Variants in SHANK2 observed in about 807,000 individuals in gnomAD.
SHANK2 encodes SH3 and multiple ankyrin repeat domains 2, also known as SH3 and multiple ankyrin repeat domains protein 2.
Under a neutral mutation model 133.7 loss-of-function variants are expected in SHANK2, and 43 were observed. The ratio of observed to expected loss-of-function variants is 0.32; its 90% CI spans 0.25 to 0.41. SHANK2 has a LOEUF of 0.41. SHANK2 is among the 10% of genes least tolerant of loss of function. The pLI, the probability that SHANK2 is intolerant of heterozygous loss-of-function variation, is 1.00. For missense variants in SHANK2, 1,994 were observed against 2,235.8 expected (o/e 0.89, Z 2.18); for synonymous variants, 1,017 against 952.8 (o/e 1.07, Z -1.24).
chr11:70,605,654 T>A (rs1376288774), intron 17 of SHANK2, among the ~76,000 whole-genome samples: 1 of 152,142 alleles, frequency 6.6e-6, no homozygotes, highest in Non-Finnish European at 1.5e-5. Flanking sequence ...TCGAACTCTC[T>A]CCAAGGAGGC....
chr11:70,924,500 TG>T (rs782502281), intron 10 of SHANK2, among the ~76,000 whole-genome samples: 4 of 152,092 alleles, frequency 2.6e-5, no homozygotes, highest in East Asian at 3.9e-4. Flanking sequence ...TCTGTCACCC[TG>T]GTTGGAGTGC....
intron 17 of SHANK2, among the ~76,000 whole-genome samples, chr11:70,533,564 C>T (rs974264747): frequency 2.0e-5 from 3 of 152,172 alleles, no homozygotes; most frequent in Admixed American, 6.5e-5. Context: ...TTCCCTCTGC[C>T]GCAGCCATGC....
intron 6 of SHANK2, among the ~76,000 whole-genome samples, chr11:71,100,606 C>T (rs1166816608): frequency 5.9e-5 from 9 of 152,212 alleles, no homozygotes; most frequent in Non-Finnish European, 1.2e-4. Flanking sequence ...CAGTGGTTCA[C>T]ACCTGTAATC....
intron 2 of SHANK2, among the ~76,000 whole-genome samples, chr11:71,192,749 A>G (rs1953817178): frequency 6.6e-6 from 1 of 152,234 alleles, no homozygotes; most frequent in African/African-American, 2.4e-5. Context: ...AAAGAGATCT[A>G]TATTCATCAA....
intron 15 of SHANK2, among the ~76,000 whole-genome samples, chr11:70,663,412 C>G (rs1793582055): frequency 6.6e-6 from 1 of 152,128 alleles, no homozygotes; most frequent in African/African-American, 2.4e-5. Context: ...GCCCCTCGAT[C>G]CTCCCATTTT....
At chr11:71,062,453 C>A (rs2135937654) in intron 9 of SHANK2, among the ~76,000 whole-genome samples, 1 of 152,178 alleles carries the variant, frequency 6.6e-6, no homozygotes, top group South Asian at 2.1e-4. Flanking sequence ...AGAGGAGGGA[C>A]CTCATGGGGG....
intron 10 of SHANK2, among the ~76,000 whole-genome samples, chr11:70,949,646 T>C (rs1555086100): frequency 6.6e-6 from 1 of 152,184 alleles, no homozygotes. Flanking sequence ...GGGGGCCGGC[T>C]GGACACAACC....
At chr11:71,108,464 C>T (rs1195735734) in intron 6 of SHANK2, among the ~76,000 whole-genome samples, 4 of 152,170 alleles carry the variant, frequency 2.6e-5, no homozygotes, top group African/African-American at 9.7e-5. Context: ...ACTACCCACC[C>T]CTGCCCACCA....
chr11:71,132,453 T>G (rs1316437450), intron 3 of SHANK2, among the ~76,000 whole-genome samples: 2 of 152,152 alleles, frequency 1.3e-5, no homozygotes, highest in Non-Finnish European at 2.9e-5. Flanking sequence ...GCTACAGAAC[T>G]TGTAGTAATT....
chr11:70,654,703 C>G (rs782042201), intron 17 of SHANK2, among the ~76,000 whole-genome samples: 1 of 152,036 alleles, frequency 6.6e-6, no homozygotes, highest in Non-Finnish European at 1.5e-5. Flanking sequence ...TAGCCCCGCC[C>G]CCTCCCTGCC....
Position 70,487,862 on chromosome 11 carries a change from G to C in SHANK2, c.2573-142C>G. 3.3e-6 allele frequency: 5 copies of C among 1,496,684 alleles called. No individual in the cohort carries two copies. The South Asian group carries it at 4.9e-5, about 15-fold the overall frequency. The allele number at this position is 1,496,684 out of a possible 1,614,324, so 92.7% of individuals were successfully genotyped here. ...GTTCAGGAAACACAGCACAAGCCAC[G>C]ATGCCGAGTGGTTAGTCACATGGCC... On this transcript the variant is annotated intron_variant, in intron 24 of 25. Transcript: ENST00000601538. This position sits in a 1 kb window ranked among gnomAD's most constrained non-coding sequence, Gnocchi z 5.8.
chr11:70,861,859 G>A (rs1949263600), intron 11 of SHANK2, among the ~76,000 whole-genome samples: 1 of 152,178 alleles, frequency 6.6e-6, no homozygotes, highest in East Asian at 1.9e-4. Flanking sequence ...TGATCCAACT[G>A]GGAGGAGAAC....
At chr11:71,193,711 T>C (rs1953840499) in intron 2 of SHANK2, among the ~76,000 whole-genome samples, 1 of 152,144 alleles carries the variant, frequency 6.6e-6, no homozygotes, top group Non-Finnish European at 1.5e-5. Flanking sequence ...ACCAGGCACC[T>C]GAAACCACAG....
At chr11:70,527,966 A>AGGGGCCTGAGT (rs1310523152) in intron 17 of SHANK2, among the ~76,000 whole-genome samples, 1 of 152,154 alleles carries the variant, frequency 6.6e-6, no homozygotes, top group African/African-American at 2.4e-5. Flanking sequence ...GGTGAGAGGG[A>AGGGGCCTGAGT]GGGGCCTGAG....
In SHANK2 at chr11:71,090,172, C is replaced by CTGTGTGTGTG. The variant is rs1191382012; in HGVS notation, c.912+2240_912+2249dup. On this transcript the variant is annotated intron_variant, in intron 8 of 25. Transcript: ENST00000601538. ...CCAGGGTTCTCCAGAGAAACACAAC[C>CTGTGTGTGTG]TGTGTGTGTGTGTGTGTGTGTGTGT... Among the ~76,000 whole-genome samples, 142 of 87,300 alleles carry CTGTGTGTGTG rather than the reference C, an allele frequency of 1.6e-3. 9 individuals are homozygous for CTGTGTGTGTG. The highest frequency in any genetic ancestry group is 7.4e-3 in the Middle Eastern group (1 of 136). The allele number at this position is 87,300 out of a possible 152,430, so 57.3% of individuals were successfully genotyped here.
intron 9 of SHANK2, among the ~76,000 whole-genome samples, chr11:71,062,415 GT>G (rs1266972910): frequency 6.6e-6 from 1 of 152,202 alleles, no homozygotes; most frequent in Non-Finnish European, 1.5e-5. Flanking sequence ...GCCTGGTGGG[GT>G]CAGCAAAGGG....
At chr11:70,822,768 G>T (rs9734461) in intron 11 of SHANK2, among the ~76,000 whole-genome samples, 1 of 34,234 alleles carries the variant, frequency 2.9e-5, no homozygotes, top group Non-Finnish European at 5.2e-5. Flanking sequence ...GCTGGCAGAG[G>T]TCATGGGGGA....
rs141041605 is a variant in SHANK2, at chr11:70,593,235, C to T, written c.2061+66593G>A. On this transcript the variant is annotated intron_variant, in intron 17 of 25. Coordinates refer to ENST00000601538, the MANE Select transcript of SHANK2 (RefSeq NM_012309.5). Reference sequence around the variant, plus strand: ...TTCTATAATTTCTCAGCAGTCTCCACGCAGTTCTGAGAACTCTTGCTGCAT... The same window carrying T: ...TTCTATAATTTCTCAGCAGTCTCCATGCAGTTCTGAGAACTCTTGCTGCAT... Among the ~76,000 whole-genome samples, 30 of 152,322 alleles carry T rather than the reference C, an allele frequency of 2.0e-4. No homozygotes were observed. The East Asian group carries it at 4.4e-3, about 23-fold the overall frequency.
rs116243210 is a variant in SHANK2 at position 70,754,809 on chromosome 11, C to T, written c.1777+43634G>A. The stretch of plus-strand genomic sequence containing the variant: ...CAGGTGTCTGGGCAATGCTGAACAC[C>T]TTCCAGACAGCACGTTTCCAAGAAA... On this transcript the variant is annotated intron_variant, in intron 14 of 25. Coordinates refer to ENST00000601538, the MANE Select transcript of SHANK2 (RefSeq NM_012309.5). Among the ~76,000 whole-genome samples the T allele has an allele frequency of 7.2e-3, 1,094 of 152,268 alleles. 20 individuals are homozygous for T. Among genetic ancestry groups the T allele is most frequent in the African/African-American group, 0.025 (1,031 of 41,552 alleles).
Sources: allele counts gnomAD v4.1 joint callset (sites outside exome capture counted in the v4.1 genomes callset), GRCh38; gene constraint gnomAD v4.1.1; non-coding constraint Gnocchi (gnomAD v3.1); transcripts MANE v1.5; gene names NCBI Gene and HGNC (gene_info 2026-07-23, HGNC 2026-07-21).